Variants in RREB1 observed in about 807,000 individuals in gnomAD.
The protein encoded by RREB1 is ras-responsive element-binding protein 1.
Under a neutral mutation model 117.8 loss-of-function variants are expected in RREB1, and 27 were observed. The observed-to-expected ratio is 0.23, with a 90% CI of 0.17 to 0.32. The LOEUF (loss-of-function observed/expected upper bound fraction) is 0.32. Ranked by LOEUF, RREB1 falls within the 10% of genes least tolerant of loss-of-function variation. RREB1 has a pLI of 1.00. For missense variants in RREB1, 2,577 were observed against 2,378.2 expected (o/e 1.08, Z -1.74); for synonymous variants, 1,298 against 1,026.7 (o/e 1.26, Z -5.05).
intron 6 of RREB1, among the ~76,000 whole-genome samples, chr6:7,198,964 G>A (rs1446545138): frequency 6.6e-6 from 1 of 152,124 alleles, no homozygotes; most frequent in Non-Finnish European, 1.5e-5. Flanking sequence ...TCTGTTTATT[G>A]CAGCAGAATG....
At position 7,230,907 on chromosome 6, in the gene RREB1, C is replaced by G; in HGVS notation, c.2808C>G (p.Asp936Glu). The change falls in exon 10 of 13, where the codon GAC becomes GAG. Residue 936 changes from aspartate to glutamate, a missense_variant. Coordinates refer to ENST00000379938, the MANE Select transcript of RREB1 (RefSeq NM_001003699.4). ...ATGACTGCTCCATGGAGCCCATCGA[C>G]CTGTCCATCCCCAAGAACTTCAGGA... ...VPYDCSMEPI[D>E]LSIPKNFRKG... 1 of 1,614,140 alleles carries G rather than the reference C, an allele frequency of 6.2e-7. No homozygotes were observed. The highest frequency in any genetic ancestry group is 8.5e-7 in the Non-Finnish European group (1 of 1,179,984).
At chr6:7,219,103 A>C (rs1767085992) in intron 8 of RREB1, 1 of 142,336 alleles carries the variant, frequency 7.0e-6, no homozygotes, top group Non-Finnish European at 1.5e-5. Flanking sequence ...AAAAAAAAAA[A>C]AAAAAAAAAA....
rs1767968530 is a variant in RREB1, at chr6:7,231,443, C to T, written c.3344C>T (p.Ala1115Val). ...TCTGTCCCCAAAGCCGCCACCACCG[C>T]CACCCCCGCTGCCACCACCAGCCCA... Reference protein sequence around the residue: ...GGSVPKAATTATPAATTSPKE... With the variant: ...GGSVPKAATTVTPAATTSPKE... The change falls in exon 10 of 13, where the codon GCC becomes GTC. Residue 1115 changes from alanine to valine, a missense_variant. By Grantham distance (64) the Ala-to-Val change is moderately conservative. Coordinates refer to ENST00000379938, the MANE Select transcript of RREB1 (RefSeq NM_001003699.4). 6.2e-7 allele frequency: 1 copy of T among 1,613,214 alleles called. No homozygotes were observed. The highest frequency in any genetic ancestry group is 8.5e-7 in the Non-Finnish European group (1 of 1,179,872).
At chr6:7,242,692 TA>T (rs869275015) in intron 11 of RREB1, among the ~76,000 whole-genome samples, 51 of 76,706 alleles carry the variant, frequency 6.6e-4, no homozygotes, top group African/African-American at 3.0e-3. Flanking sequence ...GAAGACCACT[TA>T]AAAAAAAGGG....
At position 7,230,688 on chromosome 6, in the gene RREB1, G is replaced by C; in HGVS notation, c.2589G>C (p.Leu863=). ...ACTGCAAGCCCCTCACTGCCTTCCT[G>C]GAACCCCAGAACGGCTTTCTTCACA... ...LGDCKPLTAF[L]EPQNGFLHRG... The change falls in exon 10 of 13, where the codon CTG becomes CTC. Residue 863 remains leucine (L), a synonymous_variant. Coordinates refer to ENST00000379938, the MANE Select transcript of RREB1 (RefSeq NM_001003699.4). The C allele has an allele frequency of 6.3e-7, 1 of 1,593,396 alleles. No homozygotes were observed.
chr6:7,175,382 A>G (rs1463581227), intron 1 of RREB1, among the ~76,000 whole-genome samples: 1 of 151,830 alleles, frequency 6.6e-6, no homozygotes, highest in African/African-American at 2.4e-5. Context: ...TGGGGGGGGT[A>G]TAATGTCCAG....
chr6:7,123,768 G>A (rs1174160376), intron 1 of RREB1, among the ~76,000 whole-genome samples: 5 of 151,908 alleles, frequency 3.3e-5, no homozygotes, highest in East Asian at 1.9e-4. Flanking sequence ...CCGCCACCAC[G>A]CCTGGCTAAT....
Position 7,230,924 on chromosome 6 carries a change from A to G in RREB1, c.2825A>G (p.Asn942Ser), listed in dbSNP as rs748764583. ...MEPIDLSIPK[N>S]FRKGDKDLAT... ...CCCATCGACCTGTCCATCCCCAAGA[A>G]CTTCAGGAAAGGGGACAAGGATTTG... is the stretch of plus-strand genomic sequence containing the variant. The change falls in exon 10 of 13, where the codon AAC becomes AGC. Residue 942 changes from asparagine (N) to serine (S), a missense_variant. Asn to Ser is a conservative substitution (Grantham distance 46). Transcript: ENST00000379938. 19 of 1,613,920 alleles carry G rather than the reference A, an allele frequency of 1.2e-5. No individual in the cohort carries two copies. The highest frequency in any genetic ancestry group is 5.3e-5 in the African/African-American group (4 of 74,934).
intron 10 of RREB1, among the ~76,000 whole-genome samples, chr6:7,237,395 TATTA>T (rs1487184694): frequency 7.4e-5 from 11 of 149,414 alleles, no homozygotes; most frequent in African/African-American, 2.7e-4. Context: ...CTTTTTTTTT[TATTA>T]TTATTTGTTA....
intron 10 of RREB1, among the ~76,000 whole-genome samples, chr6:7,240,189 AT>A (rs1768610471): frequency 1.3e-5 from 2 of 151,546 alleles, no homozygotes; most frequent in Non-Finnish European, 2.9e-5. Flanking sequence ...TTAAATGTAT[AT>A]TTTTCAGTTT....
intron 1 of RREB1, among the ~76,000 whole-genome samples, chr6:7,153,257 G>A (rs543668590): frequency 6.6e-6 from 1 of 151,848 alleles, no homozygotes; most frequent in Non-Finnish European, 1.5e-5. Flanking sequence ...AAAAAAAGTA[G>A]CTTTGTGGTT....
At chr6:7,146,565 C>A (rs1370452939) in intron 1 of RREB1, among the ~76,000 whole-genome samples, 1 of 152,086 alleles carries the variant, frequency 6.6e-6, no homozygotes, top group Admixed American at 6.5e-5. Context: ...AGGAACCGAG[C>A]TCTTTAAAAG....
intron 6 of RREB1, among the ~76,000 whole-genome samples, chr6:7,202,995 A>G (rs529416783): frequency 6.6e-6 from 1 of 152,358 alleles, no homozygotes; most frequent in South Asian, 2.1e-4. Context: ...ACCAAATAAC[A>G]TGAAAATTTA....
chr6:7,242,402 A>G (rs1172835383), intron 11 of RREB1, among the ~76,000 whole-genome samples: 3 of 152,182 alleles, frequency 2.0e-5, no homozygotes, highest in Admixed American at 6.5e-5. Flanking sequence ...CGGAAGTTAT[A>G]TAGGGTTCCT....
intron 10 of RREB1, among the ~76,000 whole-genome samples, chr6:7,233,622 G>A (rs950222193): frequency 3.3e-5 from 5 of 152,134 alleles, no homozygotes; most frequent in Admixed American, 1.3e-4. Context: ...TTAGCTCTGG[G>A]CATCCTGGGT....
chr6:7,227,689 TA>T (rs1195877433), intron 9 of RREB1, among the ~76,000 whole-genome samples: 6 of 152,242 alleles, frequency 3.9e-5, no homozygotes, highest in African/African-American at 1.4e-4. Flanking sequence ...TTGTGGTTTC[TA>T]TTAAAAACAA....
chr6:7,239,113 G>T (rs1768520160), intron 10 of RREB1, among the ~76,000 whole-genome samples: 1 of 152,230 alleles, frequency 6.6e-6, no homozygotes, highest in African/African-American at 2.4e-5. Flanking sequence ...GCGTGGCCTT[G>T]GGCACCTGCA....
In RREB1 at chr6:7,229,051, T is replaced by C; in HGVS notation, c.952T>C (p.Cys318Arg). The C allele has an allele frequency of 6.4e-7, 1 of 1,562,882 alleles. No homozygotes were observed. The highest frequency in any genetic ancestry group is 8.7e-7 in the Non-Finnish European group (1 of 1,148,956). Residue 318 changes from cysteine to arginine, a missense_variant, in exon 10 of 13, where the codon TGC (cysteine) becomes CGC (arginine). Transcript: ENST00000379938. The surrounding 1 kb of genome is among the most constrained non-coding windows in gnomAD (Gnocchi z 4.5). The stretch of plus-strand genomic sequence containing the variant: ...CATCAGCGAGCAACACCGTTTTGTC[T>C]GCGACACCTGTGACAAGGCGTTCCC... ...RCISEQHRFV[C>R]DTCDKAFPML... is the part of the protein sequence containing the mutation.
At position 7,231,101 on chromosome 6, in the gene RREB1, C is replaced by G. The variant is rs760720491; in HGVS notation, c.3002C>G (p.Pro1001Arg). 3 of 1,612,944 alleles carry G rather than the reference C, an allele frequency of 1.9e-6. No homozygotes were observed. The highest frequency in any genetic ancestry group is 2.5e-6 in the Non-Finnish European group (3 of 1,179,974). The change falls in exon 10 of 13, where the codon CCG becomes CGG. Residue 1001 changes from proline (P) to arginine (R), a missense_variant. Transcript: ENST00000379938. ...SPMAPAPAAT[P>R]EPPAQPLQGP... The stretch of plus-strand genomic sequence containing the variant: ...ATGGCCCCTGCTCCGGCGGCCACCC[C>G]GGAACCCCCAGCACAGCCCCTGCAG...
Sources: gnomAD v4.1 joint callset for allele counts (sites outside exome capture counted in the v4.1 genomes callset) on GRCh38, gnomAD v4.1.1 for gene constraint, Gnocchi (gnomAD v3.1) non-coding constraint, MANE v1.5 for transcripts, NCBI Gene and HGNC (gene_info 2026-07-23, HGNC 2026-07-21) for gene names.